The following CTNNA3 variants were observed in gnomAD, a reference collection of about 807,000 sequenced individuals.
The protein encoded by CTNNA3 is catenin alpha-3.
Under a neutral mutation model 95.7 loss-of-function variants are expected in CTNNA3, and 76 were observed. The observed-to-expected ratio is 0.79, with a 90% CI of 0.66 to 0.96. CTNNA3 has a LOEUF of 0.96. Among genes scored for constraint, CTNNA3 ranks in the 40% least tolerant of loss-of-function variants. The pLI, the probability that CTNNA3 is intolerant of heterozygous loss-of-function variation, is 0.00. For missense variants in CTNNA3, 1,191 were observed against 1,089.8 expected (o/e 1.09, Z -1.31); for synonymous variants, 431 against 374.4 (o/e 1.15, Z -1.74).
intron 9 of CTNNA3, among the ~76,000 whole-genome samples, chr10:66,628,782 T>C (rs554588391): frequency 6.6e-6 from 1 of 152,066 alleles, no homozygotes; most frequent in East Asian, 1.9e-4. Context: ...GTTCTTCAGG[T>C]TGGTAGGAGA....
intron 5 of CTNNA3, among the ~76,000 whole-genome samples, chr10:67,503,111 G>A (rs188883180): frequency 6.6e-6 from 1 of 152,342 alleles, no homozygotes; most frequent in African/African-American, 2.4e-5. Flanking sequence ...GCACTCAAGG[G>A]AATCTCCTGG....
chr10:66,035,739 T>C (rs2079549300), intron 15 of CTNNA3, among the ~76,000 whole-genome samples: 1 of 152,142 alleles, frequency 6.6e-6, no homozygotes, highest in Non-Finnish European at 1.5e-5. Context: ...GTGTCACTTA[T>C]ATTCCCATAG....
intron 7 of CTNNA3, among the ~76,000 whole-genome samples, chr10:66,835,147 C>T (rs1198728720): frequency 1.3e-5 from 2 of 152,156 alleles, no homozygotes; most frequent in African/African-American, 4.8e-5. Flanking sequence ...GAGGGCTCAG[C>T]AGTTTCCTGC....
chr10:66,900,033 CAG>C (rs1845670412), intron 7 of CTNNA3, among the ~76,000 whole-genome samples: 1 of 152,176 alleles, frequency 6.6e-6, no homozygotes, highest in Non-Finnish European at 1.5e-5. Flanking sequence ...TGAGAACAAA[CAG>C]ACGGCCCCCT....
intron 7 of CTNNA3, among the ~76,000 whole-genome samples, chr10:66,998,141 C>A (rs1851462505): frequency 6.6e-6 from 1 of 152,148 alleles, no homozygotes; most frequent in African/African-American, 2.4e-5. Context: ...AGATGCAAAC[C>A]AAATTCCTAA....
At chr10:66,171,489 T>C (rs1375875180) in intron 13 of CTNNA3, among the ~76,000 whole-genome samples, 2 of 150,424 alleles carry the variant, frequency 1.3e-5, no homozygotes, top group Non-Finnish European at 2.9e-5. Flanking sequence ...GAAGTTGCAG[T>C]GAGCAGAGAT....
chr10:66,093,632 G>A (rs905305605), intron 14 of CTNNA3, among the ~76,000 whole-genome samples: 38 of 152,134 alleles, frequency 2.5e-4, no homozygotes, highest in Admixed American at 7.9e-4. Flanking sequence ...ATAAAATGGC[G>A]TAGTGAAGGA....
intron 11 of CTNNA3, among the ~76,000 whole-genome samples, chr10:66,473,823 T>C (rs920919142): frequency 1.8e-4 from 27 of 152,048 alleles, no homozygotes; most frequent in African/African-American, 6.3e-4. Flanking sequence ...GCTTCATCCA[T>C]GTCCCTACAA....
intron 1 of CTNNA3, among the ~76,000 whole-genome samples, chr10:67,710,765 AAAATTAGGG>A (rs1375015961): frequency 1.3e-5 from 2 of 152,112 alleles, no homozygotes; most frequent in African/African-American, 4.8e-5. Flanking sequence ...TATTCTATGG[AAAATTAGGG>A]AAATAATCTG....
At chr10:66,136,343 G>A (rs1460906415) in intron 13 of CTNNA3, among the ~76,000 whole-genome samples, 1 of 152,158 alleles carries the variant, frequency 6.6e-6, no homozygotes, top group Non-Finnish European at 1.5e-5. Context: ...AATAAGTGTA[G>A]TTCTAACATG....
At chr10:67,667,762 T>C (rs564356736) in intron 1 of CTNNA3, among the ~76,000 whole-genome samples, 51 of 152,242 alleles carry the variant, frequency 3.3e-4, no homozygotes, top group Non-Finnish European at 6.5e-4. Flanking sequence ...CAGGTAAATA[T>C]CATATTTTAC....
At chr10:67,165,060 T>C (rs1438309592) in intron 7 of CTNNA3, among the ~76,000 whole-genome samples, 1 of 152,178 alleles carries the variant, frequency 6.6e-6, no homozygotes, top group African/African-American at 2.4e-5. Context: ...CTGTACCCAA[T>C]TGTTCATAGA....
intron 2 of CTNNA3, among the ~76,000 whole-genome samples, chr10:67,637,827 C>G (rs1251429431): frequency 1.4e-5 from 2 of 147,406 alleles, no homozygotes; most frequent in Non-Finnish European, 2.9e-5. Context: ...GAGATTTTGT[C>G]ACCAACAGGC....
intron 11 of CTNNA3, among the ~76,000 whole-genome samples, chr10:66,475,043 C>G (rs1478762351): frequency 6.6e-6 from 1 of 151,802 alleles, no homozygotes; most frequent in Admixed American, 6.6e-5. Context: ...TGACTATTTC[C>G]ACTGCTGTAG....
chr10:67,648,730 C>A (rs1564808230), intron 1 of CTNNA3: 1 of 1,289,340 alleles, frequency 7.8e-7, no homozygotes, highest in East Asian at 5.5e-5. Context: ...ACAATTTAGC[C>A]CTGTTTTACC....
At chr10:66,601,610 G>A (rs2132258768) in intron 10 of CTNNA3, among the ~76,000 whole-genome samples, 1 of 151,924 alleles carries the variant, frequency 6.6e-6, no homozygotes. Flanking sequence ...TCTGTAATGG[G>A]AGGACTGCTT....
chr10:66,005,297 G>T (rs1457013419), intron 15 of CTNNA3, among the ~76,000 whole-genome samples: 1 of 152,196 alleles, frequency 6.6e-6, no homozygotes, highest in Non-Finnish European at 1.5e-5. Context: ...GCCCTCAGGA[G>T]TCACTACCAA....
rs532857642 is a variant in CTNNA3 at position 66,942,360 on chromosome 10, A to C, written c.1048-166836T>G. On this transcript the variant is annotated intron_variant, in intron 7 of 17. Transcript: ENST00000433211. The stretch of plus-strand genomic sequence containing the variant: ...CCAGCAATTTGCAAGCCCGTTATTA[A>C]TATCCTTTAATGGACTTGCTCTATT... Among the ~76,000 whole-genome samples, 109 of 152,312 alleles carry C rather than the reference A, an allele frequency of 7.2e-4. 1 individual carries two copies. The highest frequency in any genetic ancestry group is 2.5e-3 in the African/African-American group (105 of 41,564).
chr10:66,690,833 T>C (rs1219813610), intron 9 of CTNNA3, among the ~76,000 whole-genome samples: 1 of 152,198 alleles, frequency 6.6e-6, no homozygotes, highest in Admixed American at 6.5e-5. Flanking sequence ...TTTGGGTATG[T>C]ACCCAGTAAT....
Sources: allele counts gnomAD v4.1 joint callset (sites outside exome capture counted in the v4.1 genomes callset), GRCh38; gene constraint gnomAD v4.1.1; transcripts MANE v1.5; gene names NCBI Gene and HGNC (gene_info 2026-07-23, HGNC 2026-07-21).